ADRA1A: variants seen among roughly 807,000 people sequenced by gnomAD.
ADRA1A encodes adrenoceptor alpha 1A, also known as alpha-1A adrenergic receptor.
A neutral mutation model predicts 29.6 loss-of-function variants in ADRA1A; 31 were observed. The ratio of observed to expected loss-of-function variants is 1.05; its 90% CI spans 0.79 to 1.41. The LOEUF (loss-of-function observed/expected upper bound fraction) is 1.41. ADRA1A is among the 40% of genes most tolerant of loss of function. The probability of loss-of-function intolerance (pLI) is 0.00; values close to 1 mark genes in which losing one functional copy is unlikely to be tolerated. For synonymous variants in ADRA1A, 311 were observed against 254.3 expected (o/e 1.22, Z -2.12); for missense variants, 619 against 601.1 (o/e 1.03, Z -0.31).
intron 2 of ADRA1A, among the ~76,000 whole-genome samples, chr8:26,817,136 T>A (rs1585752409): frequency 6.6e-6 from 1 of 152,240 alleles, no homozygotes; most frequent in South Asian, 2.1e-4. Flanking sequence ...AAACCATATA[T>A]CTGATAAATG....
chr8:26,769,447 T>A lies in ADRA1A; in HGVS notation c.*702A>T. On this transcript the variant is annotated 3_prime_UTR_variant, in exon 3 of 3. Transcript: ENST00000380573. ...GGAAAAGCCATACCACCCTGGTTGG[T>A]TCTTTCAACCCTCTCCTGACCCAAG... 3.0e-6 allele frequency: 3 copies of A among 985,404 alleles called. No homozygotes were observed. The highest frequency in any genetic ancestry group is 3.6e-6 in the Non-Finnish European group (3 of 829,934). The allele number at this position is 985,404 out of a possible 1,614,324, so 61.0% of individuals were successfully genotyped here.
intron 2 of ADRA1A, among the ~76,000 whole-genome samples, chr8:26,801,924 C>A (rs1653579840): frequency 6.6e-6 from 1 of 152,036 alleles, no homozygotes; most frequent in Non-Finnish European, 1.5e-5. Context: ...GAATGAAGAA[C>A]CCAGAAATAA....
At position 26,866,896 on chromosome 8, in the gene ADRA1A, C is replaced by G. The variant is rs1476602400; in HGVS notation, c.-687+40G>C. On this transcript the variant is annotated intron_variant, in intron 1 of 2. Transcript: ENST00000380573. The surrounding 1 kb of genome is among the most constrained non-coding windows in gnomAD (Gnocchi z 5.7). Reference sequence around the variant, plus strand: ...AGACGGCGGGGGAGGTCTGCCCTCACCCACTCGGCCCTGCGGGACGCCGGC... The same window carrying G: ...AGACGGCGGGGGAGGTCTGCCCTCAGCCACTCGGCCCTGCGGGACGCCGGC... 1.0e-6 allele frequency: 1 copy of G among 985,358 alleles called. No homozygotes were observed. Among genetic ancestry groups the G allele is most frequent in the Non-Finnish European group, 1.2e-6 (1 of 830,006 alleles). 61.0% of individuals were successfully genotyped at this position (985,358 alleles called of 1,614,324 possible).
chr8:26,857,090 A>C (rs995257295), intron 2 of ADRA1A, among the ~76,000 whole-genome samples: 1 of 152,136 alleles, frequency 6.6e-6, no homozygotes, highest in Non-Finnish European at 1.5e-5. Flanking sequence ...CTGCAGAATG[A>C]AACAGCAGTG....
intron 2 of ADRA1A, among the ~76,000 whole-genome samples, chr8:26,852,016 C>G (rs1012540084): frequency 1.3e-5 from 2 of 152,018 alleles, no homozygotes; most frequent in African/African-American, 2.4e-5. Context: ...GTCCCATAAG[C>G]TAAAAATTAT....
chr8:26,779,264 TGC>T, intron 2 of ADRA1A: 1 of 700,956 alleles, frequency 1.4e-6, no homozygotes, highest in South Asian at 1.5e-5. Context: ...CCCTTTTTTT[TGC>T]CTCTTACATT....
rs1183864002 is a variant in ADRA1A, at chr8:26,866,972, G to C, written c.-723C>G. ...CTGCTGAGCCACCAGCTCGCGCGCG[G>C]GGGATGTGGACCCGGCTTCGGTCCC... On this transcript the variant is annotated 5_prime_UTR_variant, in exon 1 of 3. Transcript: ENST00000380573. This position sits in a 1 kb window ranked among gnomAD's most constrained non-coding sequence, Gnocchi z 5.7. 2 of 984,704 alleles carry C rather than the reference G, an allele frequency of 2.0e-6. No individual in the cohort carries two copies. Among genetic ancestry groups the C allele is most frequent in the Non-Finnish European group, 2.4e-6 (2 of 829,732 alleles). The allele number at this position is 984,704 out of a possible 1,614,324, so 61.0% of individuals were successfully genotyped here.
intron 2 of ADRA1A, among the ~76,000 whole-genome samples, chr8:26,792,435 T>C (rs1172124686): frequency 6.6e-6 from 1 of 152,038 alleles, no homozygotes; most frequent in Non-Finnish European, 1.5e-5. Context: ...GAATACATGA[T>C]TAATTTGATA....
At chr8:26,839,659 T>G (rs1811675462) in intron 2 of ADRA1A, among the ~76,000 whole-genome samples, 2 of 152,318 alleles carry the variant, frequency 1.3e-5, no homozygotes, top group Non-Finnish European at 2.9e-5. Context: ...GAGATCTTAG[T>G]CCACTCTGGG....
At chr8:26,790,748 A>G (rs1448889521) in intron 2 of ADRA1A, among the ~76,000 whole-genome samples, 1 of 152,180 alleles carries the variant, frequency 6.6e-6, no homozygotes, top group Admixed American at 6.5e-5. Flanking sequence ...TTTTGTGTCA[A>G]TTAAAGAAAT....
At chr8:26,836,281 G>C (rs1163544557) in intron 2 of ADRA1A, 1 of 179,418 alleles carries the variant, frequency 5.6e-6, no homozygotes, top group African/African-American at 2.4e-5. Context: ...AGCTCAGTGT[G>C]ACCCTCAGCA....
intron 2 of ADRA1A, among the ~76,000 whole-genome samples, chr8:26,853,442 T>G (rs1346790644): frequency 6.6e-6 from 1 of 152,188 alleles, no homozygotes; most frequent in African/African-American, 2.4e-5. Flanking sequence ...AAAAAGAATA[T>G]TCATCCAGGC....
In ADRA1A at chr8:26,864,207, T is replaced by A. The variant is rs777605702; in HGVS notation, c.763A>T (p.Thr255Ser). ...TTGAGGAGCCTCACTGAGAAGTGCG[T>A]CTTGGTCTTGGCGCTGGCCATCCCG... ...GSGMASAKTK[T>S]HFSVRLLKFS... Residue 255 changes from threonine to serine, a missense_variant, in exon 2 of 3, where the codon ACG becomes TCG. By Grantham distance (58) the Thr-to-Ser change is moderately conservative. Transcript: ENST00000380573. The surrounding 1 kb of genome is among the most constrained non-coding windows in gnomAD (Gnocchi z 8.1). 6.2e-7 allele frequency: 1 copy of A among 1,614,178 alleles called. No homozygotes were observed. The highest frequency in any genetic ancestry group is 8.5e-7 in the Non-Finnish European group (1 of 1,180,038).
chr8:26,766,444 A>G (rs1238199105), downstream of ADRA1A, among the ~76,000 whole-genome samples: 1 of 152,146 alleles, frequency 6.6e-6, no homozygotes, highest in African/African-American at 2.4e-5. Context: ...AACTCCTAAA[A>G]ATGTGATGCA....
intron 2 of ADRA1A, among the ~76,000 whole-genome samples, chr8:26,820,721 ACT>A (rs1466872308): frequency 6.6e-6 from 1 of 152,210 alleles, no homozygotes; most frequent in Non-Finnish European, 1.5e-5. Context: ...GCTTGATGAC[ACT>A]GAGATTCTGG....
chr8:26,850,201 C>T (rs1356819808), intron 2 of ADRA1A, among the ~76,000 whole-genome samples: 2 of 151,828 alleles, frequency 1.3e-5, no homozygotes, highest in Non-Finnish European at 2.9e-5. Flanking sequence ...CAGAAGTCCC[C>T]AGTATATATA....
intron 2 of ADRA1A, among the ~76,000 whole-genome samples, chr8:26,810,456 G>A (rs1809299261): frequency 6.6e-6 from 1 of 152,182 alleles, no homozygotes; most frequent in Non-Finnish European, 1.5e-5. Flanking sequence ...GTGTGATAAT[G>A]GAGAATAAAA....
intron 2 of ADRA1A, among the ~76,000 whole-genome samples, chr8:26,833,492 C>A (rs918708413): frequency 6.6e-6 from 1 of 152,204 alleles, no homozygotes; most frequent in African/African-American, 2.4e-5. Flanking sequence ...CATGGCAGAA[C>A]TTTGCATAGG....
At chr8:26,813,489 T>TATCCATCCATCCATCCATCC (rs35199156) in intron 2 of ADRA1A, among the ~76,000 whole-genome samples, 1 of 149,816 alleles carries the variant, frequency 6.7e-6, no homozygotes, top group African/African-American at 2.5e-5. Flanking sequence ...CTCTTGCATC[T>TATCCATCCATCCATCCATCC]ATCCATCCAT....
Sources: allele counts gnomAD v4.1 joint callset (sites outside exome capture counted in the v4.1 genomes callset), GRCh38; gene constraint gnomAD v4.1.1; non-coding constraint Gnocchi (gnomAD v3.1); transcripts MANE v1.5; gene names NCBI Gene and HGNC (gene_info 2026-07-23, HGNC 2026-07-21).